P3H2: variants seen among roughly 807,000 people sequenced by gnomAD.
The protein encoded by P3H2 is prolyl 3-hydroxylase 2, also known as leprecan-like 1.
Under a neutral mutation model 87.0 loss-of-function variants are expected in P3H2, and 80 were observed. The ratio of observed to expected loss-of-function variants is 0.92; its 90% CI spans 0.77 to 1.11. The LOEUF is 1.11. Among genes scored for constraint, P3H2 ranks in the 50% least tolerant of loss-of-function variants. The pLI, the probability that P3H2 is intolerant of heterozygous loss-of-function variation, is 0.00. For missense variants in P3H2, 1,001 were observed against 923.9 expected (o/e 1.08, Z -1.08); for synonymous variants, 367 against 359.3 (o/e 1.02, Z -0.24).
At chr3:190,081,862 A>G (rs1727054706) in intron 1 of P3H2, among the ~76,000 whole-genome samples, 1 of 152,222 alleles carries the variant, frequency 6.6e-6, no homozygotes, top group Non-Finnish European at 1.5e-5. Flanking sequence ...GCAAAATTAT[A>G]ATTTATGAAG....
At chr3:190,077,863 T>A (rs770853726) in intron 1 of P3H2, among the ~76,000 whole-genome samples, 5 of 151,978 alleles carry the variant, frequency 3.3e-5, no homozygotes, top group Non-Finnish European at 5.9e-5. Flanking sequence ...TTCTCTTTAA[T>A]CATCCAAATT....
intron 1 of P3H2, among the ~76,000 whole-genome samples, chr3:190,006,817 T>C (rs1292006548): frequency 6.6e-6 from 1 of 152,178 alleles, no homozygotes; most frequent in Non-Finnish European, 1.5e-5. Context: ...TATAAGATAG[T>C]GTTTTGGATA....
intron 10 of P3H2, 186 bp from the exon 11 acceptor site, chr3:189,973,210 C>G (rs561638371): frequency 8.4e-5 from 50 of 594,824 alleles, no homozygotes; most frequent in Admixed American, 1.8e-4. Flanking sequence ...TTCCCAATAA[C>G]AGATGGAAAG....
chr3:189,966,123 A>AAAAGAAAGAAAGAAAGAAAAAG (rs1722985651), intron 13 of P3H2, among the ~76,000 whole-genome samples: 1 of 102,192 alleles, frequency 9.8e-6, no homozygotes, highest in African/African-American at 4.2e-5. Context: ...GAAAGAAAGA[A>AAAAGAAAGAAAGAAAGAAAAAG]AAAGAAAGAA....
chr3:190,086,291 C>T (rs1727208700), intron 1 of P3H2, among the ~76,000 whole-genome samples: 1 of 152,208 alleles, frequency 6.6e-6, no homozygotes, highest in Non-Finnish European at 1.5e-5. Flanking sequence ...TACCCTCTAA[C>T]TGCATAACAA....
intron 1 of P3H2, among the ~76,000 whole-genome samples, chr3:190,048,605 T>TA (rs1416515889): frequency 2.0e-5 from 3 of 152,152 alleles, no homozygotes; most frequent in African/African-American, 4.8e-5. Context: ...CCAAGTATAT[T>TA]AAAAAACAAA....
At position 190,003,516 on chromosome 3, in the gene P3H2, C is replaced by CT. The variant is rs745572259; in HGVS notation, c.481-8075dup. Reference sequence around the variant, plus strand: ...ATGTTAAAAAAAAAAAAAAAACTATCTAAGTATTAGCCAGAAATAAGTGTG... The same window carrying CT: ...ATGTTAAAAAAAAAAAAAAAACTATCTTAAGTATTAGCCAGAAATAAGTGTG... On this transcript the variant is annotated intron_variant, in intron 1 of 14. Transcript: ENST00000319332. Among the ~76,000 whole-genome samples the CT allele has an allele frequency of 3.5e-3, 532 of 150,842 alleles. 2 individuals are homozygous for CT. The highest frequency in any genetic ancestry group is 5.6e-3 in the Non-Finnish European group (382 of 67,752).
intron 1 of P3H2, among the ~76,000 whole-genome samples, chr3:190,019,750 G>GAA (rs62780162): frequency 8.7e-6 from 1 of 114,960 alleles, no homozygotes; most frequent in African/African-American, 3.1e-5. Flanking sequence ...GGAAGAAAAG[G>GAA]AAAAAATCCA....
At chr3:190,112,870 C>T (rs1712127248) in intron 1 of P3H2, among the ~76,000 whole-genome samples, 1 of 149,778 alleles carries the variant, frequency 6.7e-6, no homozygotes, top group Admixed American at 6.6e-5. Flanking sequence ...GAAAATCAGA[C>T]AGCAGGAAAG....
chr3:190,043,357 T>C (rs1378987616), intron 1 of P3H2, among the ~76,000 whole-genome samples: 3 of 152,122 alleles, frequency 2.0e-5, no homozygotes, highest in Admixed American at 1.3e-4. Flanking sequence ...TACTGATGAA[T>C]GGAGATGATG....
chr3:189,964,085 G>C lies in P3H2; in HGVS notation c.1907C>G (p.Pro636Arg). 2 of 1,614,064 alleles carry C rather than the reference G, an allele frequency of 1.2e-6. No individual in the cohort carries two copies. The highest frequency in any genetic ancestry group is 1.7e-6 in the Non-Finnish European group (2 of 1,180,002). Residue 636 changes from proline (P) to arginine (R), a missense_variant, in exon 14 of 15, where the codon CCA (proline) becomes CGA (arginine). Transcript: ENST00000319332. ...GAAGCTGATCATGCGCCCACATTTTGGTTTTATAGAGGCCTGAGAAAGAAA... is the reference window on the plus strand; with the variant it reads ...GAAGCTGATCATGCGCCCACATTTTCGTTTTATAGAGGCCTGAGAAAGAAA... ...DAKTVTASIK[P>R]KCGRMISFSS...
chr3:190,038,338 T>C (rs572471540), intron 1 of P3H2, among the ~76,000 whole-genome samples: 24 of 151,978 alleles, frequency 1.6e-4, no homozygotes, highest in African/African-American at 5.5e-4. Flanking sequence ...AACAGAACTT[T>C]TGGCACTAGA....
chr3:190,082,897 A>G (rs1413505229), intron 1 of P3H2, among the ~76,000 whole-genome samples: 2 of 152,228 alleles, frequency 1.3e-5, no homozygotes, highest in African/African-American at 4.8e-5. Context: ...ATCACTTTAG[A>G]GAGATTGTAT....
chr3:190,083,021 C>T (rs758031979), intron 1 of P3H2, among the ~76,000 whole-genome samples: 1 of 152,142 alleles, frequency 6.6e-6, no homozygotes, highest in African/African-American at 2.4e-5. Context: ...TCCCATAATG[C>T]AGAGGATCAT....
At chr3:190,064,635 G>A (rs541408396) in intron 1 of P3H2, among the ~76,000 whole-genome samples, 42 of 152,210 alleles carry the variant, frequency 2.8e-4, no homozygotes, top group African/African-American at 1.0e-3. Flanking sequence ...CCAGGGACAA[G>A]TGCAGAGCAA....
At chr3:190,038,569 G>T (rs1725499984) in intron 1 of P3H2, among the ~76,000 whole-genome samples, 1 of 150,302 alleles carries the variant, frequency 6.7e-6, no homozygotes, top group Admixed American at 6.6e-5. Context: ...TGACTTTTTA[G>T]TTCCCTTTCT....
chr3:190,068,100 G>C (rs1416732994), intron 1 of P3H2, among the ~76,000 whole-genome samples: 1 of 151,982 alleles, frequency 6.6e-6, no homozygotes, highest in Non-Finnish European at 1.5e-5. Context: ...AGGTTAAGAT[G>C]AATGGGATAG....
chr3:190,035,159 AT>A (rs1430964346), intron 1 of P3H2, among the ~76,000 whole-genome samples: 5 of 151,378 alleles, frequency 3.3e-5, no homozygotes, highest in African/African-American at 7.3e-5. Flanking sequence ...CCAAATGGCT[AT>A]TTTTTTCTTT....
rs5855299 is a variant in P3H2 at position 190,049,269 on chromosome 3, GTT to G, written c.481-53829_481-53828del. On this transcript the variant is annotated intron_variant, in intron 1 of 14. Transcript: ENST00000319332. ...TACCTAACATTTCAATAGACACATG[GTT>G]TTTTTTTTCAGTCATATTAATTAAG... Among the ~76,000 whole-genome samples the G allele has an allele frequency of 5.3e-5, 8 of 151,062 alleles. No homozygotes were observed. In the East Asian group the frequency reaches 9.8e-4, roughly 18 times the overall value.
Sources: gnomAD v4.1 joint callset for allele counts (sites outside exome capture counted in the v4.1 genomes callset) on GRCh38, gnomAD v4.1.1 for gene constraint, MANE v1.5 for transcripts, NCBI Gene and HGNC (gene_info 2026-07-23, HGNC 2026-07-21) for gene names.